LMBR1: variants seen among roughly 807,000 people sequenced by gnomAD.
LMBR1 encodes limb development membrane protein 1.
Under a neutral mutation model 73.9 loss-of-function variants are expected in LMBR1, and 52 were observed. The ratio of observed to expected loss-of-function variants is 0.70; its 90% CI spans 0.56 to 0.89. LMBR1 has a LOEUF of 0.89. LMBR1 is among the 40% of genes least tolerant of loss of function. LMBR1 has a pLI of 0.00. For missense variants in LMBR1, 539 were observed against 579.8 expected, an observed-to-expected ratio of 0.93 and a Z score of 0.72; for synonymous variants, 215 against 209.4, an observed-to-expected ratio of 1.03 and a Z score of -0.23.
At chr7:156,730,796 G>A (rs1460138894) in intron 10 of LMBR1, among the ~76,000 whole-genome samples, 3 of 152,112 alleles carry the variant, frequency 2.0e-5, no homozygotes, top group African/African-American at 7.2e-5. Flanking sequence ...AATTAGCCAG[G>A]CATGGTGGCA....
intron 5 of LMBR1, among the ~76,000 whole-genome samples, chr7:156,779,006 G>A (rs1826641945): frequency 6.6e-6 from 1 of 152,098 alleles, no homozygotes; most frequent in African/African-American, 2.4e-5. Context: ...ATTAAAATGC[G>A]CTTCAAACAA....
At chr7:156,724,720 T>C (rs1193839980) in intron 14 of LMBR1, among the ~76,000 whole-genome samples, 2 of 151,810 alleles carry the variant, frequency 1.3e-5, no homozygotes, top group Non-Finnish European at 2.9e-5. Context: ...TCACTTAAAC[T>C]AGATACTAAA....
intron 5 of LMBR1, among the ~76,000 whole-genome samples, chr7:156,770,250 C>T (rs1300385423): frequency 6.6e-6 from 1 of 152,178 alleles, no homozygotes; most frequent in East Asian, 1.9e-4. Flanking sequence ...AACTCCTAGG[C>T]TCAAGTGATC....
rs1801940968 is a variant in LMBR1 at position 156,669,354 on chromosome 7, G to T, written n.867-67C>A. On this transcript the variant is annotated intron_variant and non_coding_transcript_variant, in intron 4 of 4. Coordinates refer to the LMBR1 transcript ENST00000430825. This position sits in a 1 kb window ranked among gnomAD's most constrained non-coding sequence, Gnocchi z 4.2. ...AAGAATAAGTGCCAGGAAGAAAAATGCAAAGAGAGGAAGGGGAGAGAGAGT... is the reference window on the plus strand; with the variant it reads ...AAGAATAAGTGCCAGGAAGAAAAATTCAAAGAGAGGAAGGGGAGAGAGAGT... 1 of 152,260 alleles carries T rather than the reference G, an allele frequency of 6.6e-6. No individual in the cohort carries two copies. The highest frequency in any genetic ancestry group is 1.5e-5 in the Non-Finnish European group (1 of 68,062). 9.4% of individuals were successfully genotyped at this position (152,260 alleles called of 1,614,324 possible). A position where few individuals can be genotyped will look rare whatever the true frequency, so the allele number is the denominator to read the frequency against.
intron 5 of LMBR1, among the ~76,000 whole-genome samples, chr7:156,795,967 C>A (rs545356711): frequency 6.6e-6 from 1 of 152,116 alleles, no homozygotes; most frequent in Non-Finnish European, 1.5e-5. Flanking sequence ...TCATTCTGAT[C>A]CTGGTATATT....
chr7:156,831,274 GA>G (rs1836631806), intron 3 of LMBR1, among the ~76,000 whole-genome samples: 1 of 76,306 alleles, frequency 1.3e-5, no homozygotes, highest in Admixed American at 1.4e-4. Context: ...CCCTACCCTA[GA>G]TTTTTTTTTT....
At chr7:156,826,579 GATT>G (rs1237532058) in intron 4 of LMBR1, 23 bp downstream of exon 4, 3 of 1,325,242 alleles carry the variant, frequency 2.3e-6, no homozygotes, top group Non-Finnish European at 2.0e-6. Flanking sequence ...TATTAATTGT[GATT>G]ATATTAAGCA....
chr7:156,684,061 G>A lies in LMBR1; in HGVS notation c.*17C>T, dbSNP rs1363199415. The A allele has an allele frequency of 1.2e-6, 2 of 1,603,364 alleles. No homozygotes were observed. Among genetic ancestry groups the A allele is most frequent in the East Asian group, 4.5e-5 (2 of 44,828 alleles). ...GTTCTCGGGTCTCTTGGTGGCAGAA[G>A]ACGCCGTCTGTGCGTCTCACAGTGC... On this transcript the variant is annotated 3_prime_UTR_variant, in exon 17 of 17. Transcript: ENST00000353442.
chr7:156,815,199 G>A (rs1042657047), intron 4 of LMBR1, among the ~76,000 whole-genome samples: 10 of 147,622 alleles, frequency 6.8e-5, no homozygotes, highest in African/African-American at 2.0e-4. Flanking sequence ...GAAAAGTTCT[G>A]ACATACACCA....
intron 1 of LMBR1, among the ~76,000 whole-genome samples, chr7:156,860,072 C>T (rs1286838010): frequency 6.6e-6 from 1 of 152,166 alleles, no homozygotes; most frequent in African/African-American, 2.4e-5. Flanking sequence ...ACTGGACATC[C>T]ACGTACAACA....
chr7:156,726,090 G>A lies in LMBR1; in HGVS notation c.994-253C>T, dbSNP rs1815690553. On this transcript the variant is annotated intron_variant, in intron 12 of 16. Coordinates refer to ENST00000353442, the MANE Select transcript of LMBR1 (RefSeq NM_022458.4). ...AAATGTAATTTAAGTTACTTGTCAA[G>A]ATGACATGATTATGCTTACTGTTAT... is the stretch of plus-strand genomic sequence containing the variant. The A allele has an allele frequency of 3.1e-5, 11 of 356,180 alleles. No homozygotes were observed. The East Asian group carries it at 5.2e-4, about 17-fold the overall frequency. 22.1% of individuals were successfully genotyped at this position (356,180 alleles called of 1,614,324 possible).
At chr7:156,844,662 C>T (rs1223581368) in intron 1 of LMBR1, among the ~76,000 whole-genome samples, 1 of 150,702 alleles carries the variant, frequency 6.6e-6, no homozygotes, top group Non-Finnish European at 1.5e-5. Flanking sequence ...TCTTGTGATA[C>T]TGTGAACAAA....
intron 6 of LMBR1, 67 bp from the exon 7 acceptor site, chr7:156,763,243 C>G: frequency 1.5e-6 from 1 of 679,854 alleles, no homozygotes; most frequent in South Asian, 2.0e-5. Flanking sequence ...GTCAGTCTAT[C>G]TTACGATAAG....
intron 14 of LMBR1, among the ~76,000 whole-genome samples, chr7:156,724,929 T>C (rs1484583837): frequency 1.3e-5 from 2 of 152,198 alleles, no homozygotes; most frequent in Non-Finnish European, 2.9e-5. Flanking sequence ...ATTCAGTCAC[T>C]ATATACGGCA....
chr7:156,838,816 C>G (rs191152313), intron 1 of LMBR1, among the ~76,000 whole-genome samples: 26 of 152,278 alleles, frequency 1.7e-4, no homozygotes, highest in Non-Finnish European at 1.3e-4. Flanking sequence ...AACGGCCATA[C>G]TAATTTGCAT....
chr7:156,878,037 T>C (rs1457343630), intron 1 of LMBR1, among the ~76,000 whole-genome samples: 1 of 152,078 alleles, frequency 6.6e-6, no homozygotes, highest in African/African-American at 2.4e-5. Context: ...AAAATCTACA[T>C]ACAAGGGACA....
chr7:156,833,284 T>A (rs144319219), intron 3 of LMBR1, among the ~76,000 whole-genome samples: 188 of 152,342 alleles, frequency 1.2e-3, no homozygotes, highest in African/African-American at 4.3e-3. Flanking sequence ...CTGCTTTCCA[T>A]TCAGTTTGAT....
intron 5 of LMBR1, among the ~76,000 whole-genome samples, chr7:156,774,267 G>C (rs998250231): frequency 2.6e-5 from 4 of 152,186 alleles, no homozygotes; most frequent in Non-Finnish European, 5.9e-5. Context: ...CTGCTGGTGG[G>C]AATATAAATT....
At chr7:156,838,823 G>C (rs1265253249) in intron 1 of LMBR1, among the ~76,000 whole-genome samples, 1 of 152,000 alleles carries the variant, frequency 6.6e-6, no homozygotes, top group Admixed American at 6.5e-5. Context: ...ATACTAATTT[G>C]CATTCCCACC....
Sources: gnomAD v4.1 joint callset for allele counts (sites outside exome capture counted in the v4.1 genomes callset) on GRCh38, gnomAD v4.1.1 for gene constraint, Gnocchi (gnomAD v3.1) non-coding constraint, MANE v1.5 for transcripts, NCBI Gene and HGNC (gene_info 2026-07-23, HGNC 2026-07-21) for gene names.